Variants in PHKB observed in about 807,000 individuals in gnomAD.
The protein encoded by PHKB is phosphorylase kinase regulatory subunit beta, also known as phosphorylase b kinase regulatory subunit beta.
A neutral mutation model predicts 152.1 loss-of-function variants in PHKB; 122 were observed. That is an observed-to-expected ratio of 0.80 (90% CI 0.69 to 0.93). The LOEUF is 0.93. PHKB is among the 40% of genes least tolerant of loss of function. PHKB has a pLI of 0.00. For synonymous variants in PHKB, 436 were observed against 464.9 expected (o/e 0.94, Z 0.80); for missense variants, 1,304 against 1,328.4 (o/e 0.98, Z 0.29).
intron 13 of PHKB, chr16:47,597,678 C>CTTTTTTTTTTT (rs1010545365): frequency 9.3e-6 from 1 of 107,866 alleles, no homozygotes; most frequent in African/African-American, 3.3e-5. Context: ...TTTCTTTTTT[C>CTTTTTTTTTTT]TTTTTTTTTT....
chr16:47,624,632 A>T (rs1972677402), intron 14 of PHKB, among the ~76,000 whole-genome samples: 1 of 152,116 alleles, frequency 6.6e-6, no homozygotes. Flanking sequence ...TCCAATTGAT[A>T]TTCAGTCTTT....
At chr16:47,690,750 G>C (rs1389147205) in intron 27 of PHKB, among the ~76,000 whole-genome samples, 1 of 152,140 alleles carries the variant, frequency 6.6e-6, no homozygotes, top group Non-Finnish European at 1.5e-5. Context: ...GATGAAAAAT[G>C]GAGAGTTTCA....
At chr16:47,505,636 C>G (rs902548050) in intron 4 of PHKB, 4 of 152,198 alleles carry the variant, frequency 2.6e-5, no homozygotes, top group African/African-American at 7.2e-5. Context: ...TTTCCAACTT[C>G]TGTATTTTAG....
intron 14 of PHKB, 148 bp downstream of exon 14, chr16:47,611,068 G>T: frequency 1.5e-6 from 1 of 683,896 alleles, no homozygotes; most frequent in Non-Finnish European, 2.7e-6. Flanking sequence ...TTTACTTGTG[G>T]TGAAGGGCTA....
intron 20 of PHKB, 106 bp from the exon 21 acceptor site, chr16:47,660,400 G>A: frequency 1.2e-6 from 1 of 857,662 alleles, no homozygotes. Context: ...ATATTTTTAA[G>A]CAATTTTTTG....
At chr16:47,599,362 C>T (rs537617584) in intron 13 of PHKB, among the ~76,000 whole-genome samples, 2 of 151,926 alleles carry the variant, frequency 1.3e-5, no homozygotes, top group African/African-American at 4.8e-5. Flanking sequence ...TTTAGTACAA[C>T]TAGAAAGAAT....
intron 7 of PHKB, among the ~76,000 whole-genome samples, chr16:47,567,266 C>T (rs192862919): frequency 1.8e-4 from 28 of 151,814 alleles, no homozygotes; most frequent in Middle Eastern, 3.4e-3. Context: ...TGATTTCTTT[C>T]GTCACTGTTT....
At chr16:47,596,308 A>G (rs1436435877) in intron 12 of PHKB, 65 bp from the exon 13 acceptor site, 4 of 1,128,450 alleles carry the variant, frequency 3.5e-6, no homozygotes, top group Non-Finnish European at 5.3e-6. Context: ...TATCTTTATT[A>G]GTAGCATGAG....
At chr16:47,655,308 A>C (rs1433748928) in intron 20 of PHKB, among the ~76,000 whole-genome samples, 1 of 152,202 alleles carries the variant, frequency 6.6e-6, no homozygotes, top group Non-Finnish European at 1.5e-5. Context: ...AGGTGGATTA[A>C]ATGACTTAAT....
At chr16:47,640,316 G>T (rs1168678063) in intron 14 of PHKB, among the ~76,000 whole-genome samples, 1 of 152,100 alleles carries the variant, frequency 6.6e-6, no homozygotes, top group African/African-American at 2.4e-5. Flanking sequence ...GTAATTTATT[G>T]GTGCTTCTTA....
intron 2 of PHKB, among the ~76,000 whole-genome samples, chr16:47,498,521 C>A (rs1597032346): frequency 6.6e-6 from 1 of 152,112 alleles, no homozygotes; most frequent in African/African-American, 2.4e-5. Context: ...ACTAAAAATA[C>A]AAAAATCAGC....
At chr16:47,585,952 C>A (rs1346377890) in intron 8 of PHKB, among the ~76,000 whole-genome samples, 1 of 152,064 alleles carries the variant, frequency 6.6e-6, no homozygotes, top group Non-Finnish European at 1.5e-5. Context: ...TAATTCTTGG[C>A]CTAAAGATAA....
chr16:47,539,113 A>G (rs888538993), intron 6 of PHKB, among the ~76,000 whole-genome samples: 5 of 152,204 alleles, frequency 3.3e-5, no homozygotes, highest in Admixed American at 3.3e-4. Context: ...CTAAGAATTC[A>G]CCATAATCTT....
At chr16:47,497,579 A>G (rs965551025) in intron 2 of PHKB, 91 bp downstream of exon 2, 6 of 792,176 alleles carry the variant, frequency 7.6e-6, no homozygotes, top group Admixed American at 1.9e-5. Context: ...TGTGGATGAT[A>G]TTGTTCTGTC....
At chr16:47,638,724 T>C (rs933345071) in intron 14 of PHKB, among the ~76,000 whole-genome samples, 14 of 152,220 alleles carry the variant, frequency 9.2e-5, no homozygotes, top group Non-Finnish European at 1.9e-4. Context: ...GGACATTGTG[T>C]CATATTCGTA....
intron 7 of PHKB, among the ~76,000 whole-genome samples, chr16:47,578,531 T>C (rs1315929363): frequency 2.0e-5 from 3 of 152,132 alleles, no homozygotes; most frequent in African/African-American, 7.2e-5. Context: ...TATAAGGCCA[T>C]TATTTTTGTT....
intron 14 of PHKB, among the ~76,000 whole-genome samples, chr16:47,630,350 C>T (rs1449070056): frequency 6.6e-6 from 1 of 151,932 alleles, no homozygotes; most frequent in Non-Finnish European, 1.5e-5. Flanking sequence ...GGCATGGTGG[C>T]ACATGCCTGT....
chr16:47,683,470 C>T (rs937880402), intron 26 of PHKB, among the ~76,000 whole-genome samples: 3 of 152,186 alleles, frequency 2.0e-5, no homozygotes, highest in Non-Finnish European at 2.9e-5. Context: ...ATGGCAGGCA[C>T]CCCTCTCCCA....
intron 7 of PHKB, among the ~76,000 whole-genome samples, chr16:47,578,822 T>C (rs892586326): frequency 9.2e-5 from 14 of 152,176 alleles, no homozygotes; most frequent in Non-Finnish European, 1.9e-4. Context: ...ACTCAGCCTT[T>C]GCTGGAATGG....
Sources: allele counts gnomAD v4.1 joint callset (sites outside exome capture counted in the v4.1 genomes callset), GRCh38; gene constraint gnomAD v4.1.1; transcripts MANE v1.5; gene names NCBI Gene and HGNC (gene_info 2026-07-23, HGNC 2026-07-21).